TACC2: variants seen among roughly 807,000 people sequenced by gnomAD.
The protein encoded by TACC2 is transforming acidic coiled-coil-containing protein 2.
TACC2 carries 137 observed loss-of-function variants against 227.3 expected under a neutral mutation model. The observed-to-expected ratio is 0.60, with a 90% CI of 0.52 to 0.69. The LOEUF (loss-of-function observed/expected upper bound fraction) is 0.69. TACC2 is among the 30% of genes least tolerant of loss of function. The probability of loss-of-function intolerance (pLI) is 0.00; values close to 1 mark genes in which losing one functional copy is unlikely to be tolerated. For missense variants in TACC2, 3,470 were observed against 3,694.4 expected (o/e 0.94, Z 1.57); for synonymous variants, 1,523 against 1,487.5 (o/e 1.02, Z -0.55).
intron 7 of TACC2, among the ~76,000 whole-genome samples, chr10:122,188,437 G>A (rs1031850519): frequency 1.4e-4 from 22 of 152,020 alleles, no homozygotes; most frequent in Non-Finnish European, 1.5e-5. Context: ...GCGCCACCAC[G>A]CCTGGCTAAT....
At chr10:122,178,852 G>C (rs2093851400) in intron 7 of TACC2, among the ~76,000 whole-genome samples, 1 of 152,132 alleles carries the variant, frequency 6.6e-6, no homozygotes, top group South Asian at 2.1e-4. Context: ...TGCACTCCAG[G>C]CTGGGCAGAG....
At chr10:122,108,635 G>A (rs1461504069) in intron 5 of TACC2, among the ~76,000 whole-genome samples, 2 of 150,350 alleles carry the variant, frequency 1.3e-5, no homozygotes, top group East Asian at 2.0e-4. Flanking sequence ...TAGTAGAGAC[G>A]AGGTTTCACC....
intron 1 of TACC2, among the ~76,000 whole-genome samples, chr10:122,021,710 T>C (rs1197752455): frequency 6.6e-6 from 1 of 152,158 alleles, no homozygotes; most frequent in Admixed American, 6.5e-5. Flanking sequence ...TTTTCAGAAG[T>C]GTCTGCCAAC....
intron 5 of TACC2, among the ~76,000 whole-genome samples, chr10:122,112,872 C>G (rs999781442): frequency 6.6e-6 from 1 of 152,040 alleles, no homozygotes; most frequent in Non-Finnish European, 1.5e-5. Context: ...TCTGGGCGCG[C>G]CCGGCCCCGC....
chr10:121,992,197 G>A (rs17102820), intron 1 of TACC2, among the ~76,000 whole-genome samples: 11,844 of 152,164 alleles, frequency 0.078, 938 homozygotes, highest in African/African-American at 0.2. Flanking sequence ...GGGAACAAAA[G>A]TGAGAAGTGG....
intron 5 of TACC2, among the ~76,000 whole-genome samples, chr10:122,101,501 C>T (rs1444458620): frequency 6.7e-6 from 1 of 149,174 alleles, no homozygotes; most frequent in African/African-American, 2.5e-5. Flanking sequence ...TGGAGGATCA[C>T]TTGAGTTCAG....
At chr10:122,159,784 G>C (rs1377309888) in intron 7 of TACC2, among the ~76,000 whole-genome samples, 1 of 152,182 alleles carries the variant, frequency 6.6e-6, no homozygotes, top group East Asian at 1.9e-4. Context: ...GGGTTTCTCT[G>C]TGATCTGACC....
chr10:122,058,772 T>G (rs1416696663), intron 3 of TACC2, among the ~76,000 whole-genome samples: 1 of 152,078 alleles, frequency 6.6e-6, no homozygotes, highest in East Asian at 1.9e-4. Context: ...ATTCTTCAGT[T>G]GACAAGAAGA....
At chr10:122,096,843 G>A (rs1412607122) in intron 5 of TACC2, among the ~76,000 whole-genome samples, 2 of 152,178 alleles carry the variant, frequency 1.3e-5, no homozygotes, top group Non-Finnish European at 2.9e-5. Context: ...CAGCATCTCA[G>A]CCCCTTCTTT....
At position 122,090,498 on chromosome 10, in the gene TACC2, G is replaced by A. The variant is rs369185125; in HGVS notation, c.5573+1907G>A. Among the ~76,000 whole-genome samples the A allele has an allele frequency of 8.5e-3, 1,160 of 136,604 alleles. 12 individuals carry two copies. Among genetic ancestry groups the A allele is most frequent in the Middle Eastern group, 0.042 (10 of 236 alleles). The allele number at this position is 136,604 out of a possible 152,430, so 89.6% of individuals were successfully genotyped here. ...GGAGGTGGAGCTTGCAGTGAGCCGA[G>A]ATTGCGCCACTGCACTCCAGCCTGG... On this transcript the variant is annotated intron_variant, in intron 5 of 22. Coordinates refer to ENST00000369005, the MANE Select transcript of TACC2 (RefSeq NM_206862.4).
At chr10:122,072,140 G>A (rs375972794) in intron 3 of TACC2, among the ~76,000 whole-genome samples, 5 of 151,656 alleles carry the variant, frequency 3.3e-5, no homozygotes, top group African/African-American at 1.2e-4. Flanking sequence ...CACTATGCCC[G>A]GCTAATTTTT....
At chr10:122,199,454 C>T (rs1244190592) in intron 8 of TACC2, among the ~76,000 whole-genome samples, 1 of 152,252 alleles carries the variant, frequency 6.6e-6, no homozygotes, top group Non-Finnish European at 1.5e-5. Context: ...TACGTGGGTG[C>T]TCCCTGTAGC....
chr10:122,073,865 C>T (rs34770092), intron 3 of TACC2, among the ~76,000 whole-genome samples: 8,532 of 151,870 alleles, frequency 0.056, 699 homozygotes, highest in African/African-American at 0.18. Context: ...CTGCAAACTC[C>T]GCCTCCTGGG....
chr10:122,075,200 A>AAAAAG (rs1554997870), intron 3 of TACC2, among the ~76,000 whole-genome samples: 7 of 122,334 alleles, frequency 5.7e-5, no homozygotes, highest in African/African-American at 2.0e-4. Flanking sequence ...AAAAAAAAAA[A>AAAAAG]AAAGAAAGAA....
At chr10:122,146,686 G>C (rs989203740) in intron 7 of TACC2, among the ~76,000 whole-genome samples, 1 of 152,122 alleles carries the variant, frequency 6.6e-6, no homozygotes, top group Non-Finnish European at 1.5e-5. Context: ...ATAACTGTAA[G>C]AAAACAACTA....
At position 122,230,387 on chromosome 10, in the gene TACC2, C is replaced by T; in HGVS notation, c.8074C>T (p.Leu2692=). ...GTTTGCCATCATGCGGATAGAAGCCCTGAAGCTGGCCAGGCAGATTGCTTT... is the reference window on the plus strand; with the variant it reads ...GTTTGCCATCATGCGGATAGAAGCCTTGAAGCTGGCCAGGCAGATTGCTTT... ...LEFAIMRIEA[L]KLARQIALAS... Residue 2692 remains leucine (L), a synonymous_variant, in exon 16 of 23, where the codon CTG becomes TTG. Coordinates refer to ENST00000369005, the MANE Select transcript of TACC2 (RefSeq NM_206862.4). 6.2e-7 allele frequency: 1 copy of T among 1,614,224 alleles called. No individual in the cohort carries two copies. The highest frequency in any genetic ancestry group is 1.6e-4 in the Middle Eastern group (1 of 6,062).
chr10:122,227,922 G>A lies in TACC2; in HGVS notation c.7810G>A (p.Glu2604Lys). 2 of 1,614,248 alleles carry A rather than the reference G, an allele frequency of 1.2e-6. No individual in the cohort carries two copies. The highest frequency in any genetic ancestry group is 1.7e-5 in the Admixed American group (1 of 60,028). The change falls in exon 14 of 23, where the codon GAG becomes AAG. Residue 2604 changes from glutamate (E) to lysine (K), a missense_variant. Around this residue, in one of 10 missense-constraint regions of TACC2, gnomAD observed 345 missense variants for 354.4 expected, o/e 0.97. Transcript: ENST00000369005. ...PVPRGLAPNQ[E>K]SHLQVPEKSS... Reference sequence around the variant, plus strand: ...CCCACGAGGACTGGCCCCTAACCAAGAGTCACACTTGCAGGTGCCAGAGAA... The same window carrying A: ...CCCACGAGGACTGGCCCCTAACCAAAAGTCACACTTGCAGGTGCCAGAGAA...
At chr10:122,030,725 G>C (rs1423385871) in intron 2 of TACC2, among the ~76,000 whole-genome samples, 1 of 151,306 alleles carries the variant, frequency 6.6e-6, no homozygotes, top group South Asian at 2.1e-4. Context: ...TCTGGCTGAG[G>C]TTGGAGAAGT....
At chr10:122,123,258 G>T (rs2086190293) in intron 5 of TACC2, among the ~76,000 whole-genome samples, 1 of 152,056 alleles carries the variant, frequency 6.6e-6, no homozygotes, top group African/African-American at 2.4e-5. Context: ...ACCCACCTCG[G>T]CCTCCCAAAG....
Sources: allele counts gnomAD v4.1 joint callset (sites outside exome capture counted in the v4.1 genomes callset), GRCh38; gene constraint gnomAD v4.1.1; regional missense constraint gnomAD v4.1.1; transcripts MANE v1.5; gene names NCBI Gene and HGNC (gene_info 2026-07-23, HGNC 2026-07-21).